Variants in MLLT10 observed in about 807,000 individuals in gnomAD.
The protein encoded by MLLT10 is protein AF-10.
MLLT10 carries 30 observed loss-of-function variants against 129.1 expected under a neutral mutation model. The ratio of observed to expected loss-of-function variants is 0.23; its 90% CI spans 0.17 to 0.32. MLLT10 has a LOEUF of 0.32. Ranked by LOEUF, MLLT10 falls within the 10% of genes least tolerant of loss-of-function variation. The pLI is 1.00. For synonymous variants in MLLT10, 490 were observed against 446.4 expected (o/e 1.10, Z -1.23); for missense variants, 1,119 against 1,268.3 (o/e 0.88, Z 1.79).
intron 3 of MLLT10, among the ~76,000 whole-genome samples, chr10:21,579,145 G>A (rs1260088171): frequency 1.3e-5 from 2 of 152,118 alleles, no homozygotes; most frequent in Non-Finnish European, 2.9e-5. Flanking sequence ...TGTGTTGACG[G>A]TGCTTTATCT....
chr10:21,588,920 T>TAAGG (rs2042247772), intron 4 of MLLT10, among the ~76,000 whole-genome samples: 4 of 151,810 alleles, frequency 2.6e-5, no homozygotes, highest in Non-Finnish European at 5.9e-5. Context: ...GCCTCCCCCT[T>TAAGG]TCAAGGGACT....
At chr10:21,682,112 TATATG>T in intron 12 of MLLT10, 108 bp from the exon 13 acceptor site, 1 of 755,942 alleles carries the variant, frequency 1.3e-6, no homozygotes, top group Non-Finnish European at 2.1e-6. Context: ...CAAACAATGA[TATATG>T]ATAGACTTAC....
At chr10:21,674,871 A>G (rs1454823593) in intron 11 of MLLT10, among the ~76,000 whole-genome samples, 3 of 152,178 alleles carry the variant, frequency 2.0e-5, no homozygotes, top group African/African-American at 4.8e-5. Context: ...GGTATGGAAA[A>G]ATGATACAAT....
chr10:21,743,181 T>C lies in MLLT10; in HGVS notation c.*1198T>C, dbSNP rs1833890461. 4.4e-6 allele frequency: 1 copy of C among 228,890 alleles called. No homozygotes were observed. Among genetic ancestry groups the C allele is most frequent in the Non-Finnish European group, 8.7e-6 (1 of 115,170 alleles). The allele number at this position is 228,890 out of a possible 1,614,324, so 14.2% of individuals were successfully genotyped here. A position where few individuals can be genotyped will look rare whatever the true frequency, so the allele number is the denominator to read the frequency against. Reference sequence around the variant, plus strand: ...AAACTCTTCTTTGGTGTGTGAATTATTAGTGGAAAAGACCCAGCTGTAATT... The same window carrying C: ...AAACTCTTCTTTGGTGTGTGAATTACTAGTGGAAAAGACCCAGCTGTAATT... On this transcript the variant is annotated 3_prime_UTR_variant, in exon 23 of 23. Coordinates refer to ENST00000307729, the MANE Select transcript of MLLT10 (RefSeq NM_001195626.3).
chr10:21,576,167 TCAAG>T (rs1438216128), intron 3 of MLLT10, among the ~76,000 whole-genome samples: 1 of 151,884 alleles, frequency 6.6e-6, no homozygotes, highest in African/African-American at 2.4e-5. Context: ...CCTCAAGTGA[TCAAG>T]TGCCCGCCTT....
chr10:21,644,686 A>G (rs1036077704), intron 8 of MLLT10, among the ~76,000 whole-genome samples: 1 of 152,104 alleles, frequency 6.6e-6, no homozygotes, highest in South Asian at 2.1e-4. Context: ...CTGTCCCCCA[A>G]GCTGGAGTGC....
intron 3 of MLLT10, among the ~76,000 whole-genome samples, chr10:21,562,639 G>T (rs577762004): frequency 6.6e-6 from 1 of 151,136 alleles, no homozygotes; most frequent in East Asian, 2.0e-4. Flanking sequence ...CACCTGGCGT[G>T]GAGATTGCTT....
At chr10:21,536,361 A>G (rs1000964532) in intron 2 of MLLT10, among the ~76,000 whole-genome samples, 2 of 152,218 alleles carry the variant, frequency 1.3e-5, no homozygotes, top group South Asian at 2.1e-4. Flanking sequence ...TTGAAGGCCA[A>G]TGAATTTCTT....
intron 13 of MLLT10, among the ~76,000 whole-genome samples, chr10:21,701,895 T>TTTCTCTTCTC (rs538238777): frequency 2.3e-4 from 35 of 151,040 alleles, no homozygotes; most frequent in African/African-American, 8.5e-4. Flanking sequence ...GGTTATGTTA[T>TTTCTCTTCTC]TTCTCTTCTC....
At chr10:21,609,509 G>A (rs1409261186) in intron 5 of MLLT10, among the ~76,000 whole-genome samples, 3 of 152,138 alleles carry the variant, frequency 2.0e-5, no homozygotes, top group Non-Finnish European at 4.4e-5. Context: ...ATGCTTTTAG[G>A]TTCGTCACAA....
intron 3 of MLLT10, chr10:21,556,510 C>T (rs1370741509): frequency 1.6e-6 from 1 of 639,432 alleles, no homozygotes; most frequent in Non-Finnish European, 2.7e-6. Flanking sequence ...TCAGCTGCTC[C>T]TGGTGTCTCT....
intron 17 of MLLT10, among the ~76,000 whole-genome samples, chr10:21,732,010 T>C (rs1444324240): frequency 6.6e-6 from 1 of 152,126 alleles, no homozygotes; most frequent in Non-Finnish European, 1.5e-5. Flanking sequence ...AGCTGGAGGA[T>C]AGGTTTAGCT....
chr10:21,704,557 T>C (rs2055305644), intron 13 of MLLT10, among the ~76,000 whole-genome samples: 1 of 151,504 alleles, frequency 6.6e-6, no homozygotes, highest in South Asian at 2.1e-4. Flanking sequence ...AACTTTTTAA[T>C]GGTATGTGTT....
At chr10:21,561,414 C>G (rs2038785095) in intron 3 of MLLT10, among the ~76,000 whole-genome samples, 1 of 152,114 alleles carries the variant, frequency 6.6e-6, no homozygotes, top group African/African-American at 2.4e-5. Flanking sequence ...GCACATGCCA[C>G]CACACCCGGC....
At chr10:21,606,622 G>T (rs182774581) in intron 5 of MLLT10, among the ~76,000 whole-genome samples, 105 of 152,312 alleles carry the variant, frequency 6.9e-4, no homozygotes, top group African/African-American at 2.5e-3. Flanking sequence ...TGCAGATGTG[G>T]TGGCCAATAG....
At chr10:21,564,957 AGTT>A (rs2039368625) in intron 3 of MLLT10, among the ~76,000 whole-genome samples, 1 of 152,206 alleles carries the variant, frequency 6.6e-6, no homozygotes, top group African/African-American at 2.4e-5. Flanking sequence ...TAGTTTTAAC[AGTT>A]ATTACAGAGA....
intron 2 of MLLT10, among the ~76,000 whole-genome samples, chr10:21,535,395 G>A (rs1326174093): frequency 6.6e-6 from 1 of 152,128 alleles, no homozygotes; most frequent in East Asian, 1.9e-4. Flanking sequence ...GCCGCCGCCC[G>A]GTAGCTGTCT....
intron 18 of MLLT10, 28 bp from the exon 19 acceptor site, chr10:21,733,476 G>T (rs372774328): frequency 4.5e-4 from 606 of 1,350,460 alleles, no homozygotes; most frequent in Non-Finnish European, 5.6e-4. Flanking sequence ...AGGGTAAATA[G>T]GTTTCTTTTT....
Position 21,713,910 on chromosome 10 carries a change from C to T in MLLT10, c.1838C>T (p.Ser613Leu). 1 of 1,613,816 alleles carries T rather than the reference C, an allele frequency of 6.2e-7. No homozygotes were observed. Among genetic ancestry groups the T allele is most frequent in the South Asian group, 1.1e-5 (1 of 91,038 alleles). Residue 613 changes from serine (S) to leucine (L), a missense_variant, in exon 14 of 23, where the codon TCA (serine) becomes TTA (leucine). Transcript: ENST00000307729. ...HLQQVGALSP[S>L]AVSSAAPAVA... ...CAACAAGTAGGAGCGCTCTCTCCCTCAGCTGTGTCATCTGCAGCCCCTGCT... is the reference window on the plus strand; with the variant it reads ...CAACAAGTAGGAGCGCTCTCTCCCTTAGCTGTGTCATCTGCAGCCCCTGCT...
Sources: gnomAD v4.1 joint callset for allele counts (sites outside exome capture counted in the v4.1 genomes callset) on GRCh38, gnomAD v4.1.1 for gene constraint, MANE v1.5 for transcripts, NCBI Gene and HGNC (gene_info 2026-07-23, HGNC 2026-07-21) for gene names.